The following BBS10 variants were observed in gnomAD, a reference collection of about 807,000 sequenced individuals.
BBS10 encodes Bardet-Biedl syndrome 10.
Under a neutral mutation model 12.7 loss-of-function variants are expected in BBS10, and 13 were observed. The ratio of observed to expected loss-of-function variants is 1.03; its 90% CI spans 0.67 to 1.63. The LOEUF is 1.63. Among genes scored for constraint, BBS10 ranks in the 40% most tolerant of loss-of-function variants. The probability of loss-of-function intolerance (pLI) is 0.00; values close to 1 mark genes in which losing one functional copy is unlikely to be tolerated. For missense variants in BBS10, 858 were observed against 858.0 expected, an observed-to-expected ratio of 1.00 and a Z score of 0.00; for synonymous variants, 294 against 304.8, an observed-to-expected ratio of 0.96 and a Z score of 0.37.
chr12:76,348,097 G>C (rs940837006), intron 1 of BBS10, 65 bp downstream of exon 1: 2 of 1,529,742 alleles, frequency 1.3e-6, no homozygotes, highest in Middle Eastern at 1.8e-4. Flanking sequence ...CTCAGGATGG[G>C]ACAAGAGCTC....
Position 76,347,677 on chromosome 12 carries a change from C to T in BBS10, c.308G>A (p.Arg103Lys). The T allele has an allele frequency of 6.2e-7, 1 of 1,613,214 alleles. No homozygotes were observed. The highest frequency in any genetic ancestry group is 8.5e-7 in the Non-Finnish European group (1 of 1,179,960). Residue 103 changes from arginine (R) to lysine (K), a missense_variant, in exon 2 of 2, where the codon AGA (arginine) becomes AAA (lysine). Transcript: ENST00000650064. ...TTCACACATCAAAGGATCCTTTTCT[C>T]TGTCTGTGATTGCATGAAGTCCTCT... ...LLRGLHAITD[R>K]EKDPLMCENI...
rs1466271924 is a variant in BBS10, at chr12:76,346,678, G to A, written c.1307C>T (p.Thr436Ile). ...ACTTGAAGTGCCATTTTGGTCATTG[G>A]TTTGTGTCATGTAATTTAGATCAAG... ...KDLDLNYMTQ[T>I]NDQNGTSSLF... Residue 436 changes from threonine (T) to isoleucine (I), a missense_variant, in exon 2 of 2, where the codon ACC becomes ATC. Coordinates refer to ENST00000650064, the MANE Select transcript of BBS10 (RefSeq NM_024685.4). 8.1e-6 allele frequency: 13 copies of A among 1,613,958 alleles called. No individual in the cohort carries two copies. Among genetic ancestry groups the A allele is most frequent in the Non-Finnish European group, 1.1e-5 (13 of 1,179,988 alleles).
rs535547043 is a variant in BBS10, at chr12:76,344,680, A to T, written c.*1133T>A. The stretch of plus-strand genomic sequence containing the variant: ...ACTATAATTAAAGTTTTTTTTCTTC[A>T]GTCAATCCCAAGTAAGAATCTGTTG... On this transcript the variant is annotated 3_prime_UTR_variant, in exon 2 of 2. Coordinates refer to ENST00000650064, the MANE Select transcript of BBS10 (RefSeq NM_024685.4). The T allele has an allele frequency of 4.6e-5, 7 of 152,236 alleles. No individual in the cohort carries two copies. In the East Asian group the frequency reaches 1.3e-3, roughly 29 times the overall value. The allele number at this position is 152,236 out of a possible 1,614,324, so 9.4% of individuals were successfully genotyped here. A position where few individuals can be genotyped will look rare whatever the true frequency, so the allele number is the denominator to read the frequency against.
chr12:76,346,438 G>T lies in BBS10; in HGVS notation c.1547C>A (p.Thr516Lys). 1.2e-6 allele frequency: 2 copies of T among 1,614,164 alleles called. No individual in the cohort carries two copies. The highest frequency in any genetic ancestry group is 1.1e-5 in the South Asian group (1 of 91,082). ...TGTCAGCGTTTCAACTGTTTGGAAT[G>T]TATCTGTTGGTGTCAGTGTGGGGGT... ...YSTPTLTPTD[T>K]FQTVETLTCL... Residue 516 changes from threonine (T) to lysine (K), a missense_variant, in exon 2 of 2, where the codon ACA becomes AAA. Transcript: ENST00000650064.
Position 76,344,878 on chromosome 12 carries a change from TACATTG to T in BBS10, c.*929_*934del, listed in dbSNP as rs1254850812. 6.6e-6 allele frequency: 1 copy of T among 152,134 alleles called. No homozygotes were observed. The allele number at this position is 152,134 out of a possible 1,614,324, so 9.4% of individuals were successfully genotyped here. On this transcript the variant is annotated 3_prime_UTR_variant, in exon 2 of 2. Coordinates refer to ENST00000650064, the MANE Select transcript of BBS10 (RefSeq NM_024685.4). ...CCATGATAAGATGCATCATATTATT[TACATTG>T]ACAAGTTTTTAAAATATGAACATTT...
rs1051847446 is a variant in BBS10, at chr12:76,345,610, C to T, written c.*203G>A. On this transcript the variant is annotated 3_prime_UTR_variant, in exon 2 of 2. Transcript: ENST00000650064. ...AAAAAACAGACACACTTAGCCAAAT[C>T]TTGGCTTCCCCTCTAGATTTGTTCC... 5 of 557,486 alleles carry T rather than the reference C, an allele frequency of 9.0e-6. No individual in the cohort carries two copies. The African/African-American group carries it at 9.4e-5, about 11-fold the overall frequency. The allele number at this position is 557,486 out of a possible 1,614,324, so 34.5% of individuals were successfully genotyped here.
Position 76,347,144 on chromosome 12 carries a change from C to T in BBS10, c.841G>A (p.Ala281Thr), listed in dbSNP as rs780236847. 2 of 1,611,464 alleles carry T rather than the reference C, an allele frequency of 1.2e-6. No homozygotes were observed. The highest frequency in any genetic ancestry group is 2.2e-5 in the South Asian group (2 of 91,070). ...CAAAATTGAGATGTCTGAAACTGTG[C>T]TTCTGAATTTAGAATAAACTCTGAT... ...SGSEFILNSE[A>T]QFQTSQFWIM... is the part of the protein sequence containing the mutation. Residue 281 changes from alanine to threonine, a missense_variant, in exon 2 of 2, where the codon GCA (alanine) becomes ACA (threonine). Transcript: ENST00000650064.
In BBS10 at chr12:76,346,856, T is replaced by C. The variant is rs776775792; in HGVS notation, c.1129A>G (p.Arg377Gly). Residue 377 changes from arginine (R) to glycine (G), a missense_variant, in exon 2 of 2, where the codon AGA (arginine) becomes GGA (glycine). Physicochemically the swap from Arg to Gly is moderately radical, Grantham distance 125. Coordinates refer to ENST00000650064, the MANE Select transcript of BBS10 (RefSeq NM_024685.4). The stretch of plus-strand genomic sequence containing the variant: ...CCTAGATGAACATATCTTTTGGATC[T>C]AAGGATAAGAGGTTTACAAAATTTC... ...LVKFCKPLIL[R>G]SKRYVHLGLI... 2.4e-5 allele frequency: 39 copies of C among 1,613,874 alleles called. No individual in the cohort carries two copies. In the South Asian group the frequency reaches 4.0e-4, roughly 16 times the overall value.
rs2136091240 is a variant in BBS10, at chr12:76,347,670, CTT to C, written c.313_314del (p.Lys105GlyfsTer6). The C allele has an allele frequency of 1.2e-6, 2 of 1,613,210 alleles. No homozygotes were observed. Among genetic ancestry groups the C allele is most frequent in the Non-Finnish European group, 8.5e-7 (1 of 1,179,966 alleles). On this transcript the variant is annotated frameshift_variant, in exon 2 of 2. Coordinates refer to ENST00000650064, the MANE Select transcript of BBS10 (RefSeq NM_024685.4). LOFTEE classifies it low-confidence loss of function (END_TRUNC). ...GAATGTTTTCACACATCAAAGGATC[CTT>C]TTCTCTGTCTGTGATTGCATGAAGT... ...RGLHAITDRE[K>X]DPLMCENIQT... is the part of the protein sequence containing the mutation.
In BBS10 at chr12:76,347,260, T is replaced by C. The variant is rs1239367944; in HGVS notation, c.725A>G (p.Gln242Arg). The C allele has an allele frequency of 3.1e-6, 5 of 1,613,308 alleles. No homozygotes were observed. In the Admixed American group the frequency reaches 8.3e-5, roughly 27 times the overall value. Residue 242 changes from glutamine to arginine, a missense_variant, in exon 2 of 2, where the codon CAG becomes CGG. Physicochemically the swap from Gln to Arg is conservative, Grantham distance 43 (BLOSUM62 1). Coordinates refer to ENST00000650064, the MANE Select transcript of BBS10 (RefSeq NM_024685.4). Reference protein sequence around the residue: ...DSRIIAGLVLQKDFSVYRPAD... With the variant: ...DSRIIAGLVLRKDFSVYRPAD... ...TGGGCGGTACACAGAAAAATCTTTCTGAAGCACAAGACCAGCTATGATCCT... is the reference window on the plus strand; with the variant it reads ...TGGGCGGTACACAGAAAAATCTTTCCGAAGCACAAGACCAGCTATGATCCT...
chr12:76,346,114 G>C lies in BBS10; in HGVS notation c.1871C>G (p.Ser624Ter), dbSNP rs768385647. 4 of 1,608,706 alleles carry C rather than the reference G, an allele frequency of 2.5e-6. No homozygotes were observed. The highest frequency in any genetic ancestry group is 3.4e-6 in the Non-Finnish European group (4 of 1,178,306). Reference protein sequence around the residue: ...LLNYAKKCHQSEETMVSMIIA... With the variant: ...LLNYAKKCHQ ...TATCATACTAACCATGGTTTCTTCTGATTGATGGCATTTTTTGGCATAATT... is the reference window on the plus strand; with the variant it reads ...TATCATACTAACCATGGTTTCTTCTCATTGATGGCATTTTTTGGCATAATT... The change falls in exon 2 of 2, where the codon TCA (serine) becomes TGA (stop). Residue 624 changes from serine to a stop codon, truncating the protein, a stop_gained. Transcript: ENST00000650064. LOFTEE classifies it high-confidence loss of function.
Position 76,347,303 on chromosome 12 carries a change from G to T in BBS10, c.682C>A (p.Leu228Ile). 2 of 1,613,928 alleles carry T rather than the reference G, an allele frequency of 1.2e-6. No individual in the cohort carries two copies. The highest frequency in any genetic ancestry group is 1.7e-6 in the Non-Finnish European group (2 of 1,180,022). The change falls in exon 2 of 2, where the codon CTT (leucine) becomes ATT (isoleucine). Residue 228 changes from leucine (L) to isoleucine (I), a missense_variant. Transcript: ENST00000650064. ...FVELNVGVTG[L>I]PVSDSRIIAG... ...ATGATCCTGGAATCTGAAACAGGAA[G>T]GCCAGTGACACCAACATTCAACTCT...
Position 76,345,783 on chromosome 12 carries a change from A to C in BBS10, c.*30T>G. The C allele has an allele frequency of 1.3e-6, 2 of 1,596,622 alleles. No homozygotes were observed. Among genetic ancestry groups the C allele is most frequent in the Non-Finnish European group, 1.7e-6 (2 of 1,166,954 alleles). On this transcript the variant is annotated 3_prime_UTR_variant, in exon 2 of 2. Coordinates refer to ENST00000650064, the MANE Select transcript of BBS10 (RefSeq NM_024685.4). ...TGCTTTACTTGGCTTGAGTTAGATGAAAAGTTTGGTTAATTAAAAACTTCT... is the reference window on the plus strand; with the variant it reads ...TGCTTTACTTGGCTTGAGTTAGATGCAAAGTTTGGTTAATTAAAAACTTCT...
At position 76,347,790 on chromosome 12, in the gene BBS10, G is replaced by A. The variant is rs779659204; in HGVS notation, c.198-3C>T. 39 of 1,599,334 alleles carry A rather than the reference G, an allele frequency of 2.4e-5. No homozygotes were observed. Among genetic ancestry groups the A allele is most frequent in the Non-Finnish European group, 3.1e-5 (36 of 1,179,542 alleles). ...TGGAAACACAGTCCACTATCATCCT[G>A]TACAAAAAAGAAATAAAGCAACTCA... On this transcript the variant is annotated splice_polypyrimidine_tract_variant and splice_region_variant and intron_variant, in intron 1 of 1. Transcript: ENST00000650064.
chr12:76,345,483 G>C lies in BBS10; in HGVS notation c.*330C>G. On this transcript the variant is annotated 3_prime_UTR_variant, in exon 2 of 2. Transcript: ENST00000650064. ...AACATGTAACGATGAAGGAGGGCTG[G>C]AGTGAAAAAGATACAGGAGAGTAAA... 1 of 253,576 alleles carries C rather than the reference G, an allele frequency of 3.9e-6. No homozygotes were observed. The highest frequency in any genetic ancestry group is 7.8e-6 in the Non-Finnish European group (1 of 127,792). 15.7% of individuals were successfully genotyped at this position (253,576 alleles called of 1,614,324 possible).
chr12:76,347,989 G>A (rs1951775856), intron 1 of BBS10, among the ~76,000 whole-genome samples, 173 bp downstream of exon 1: 1 of 152,170 alleles, frequency 6.6e-6, no homozygotes, highest in African/African-American at 2.4e-5. Context: ...CTTGAGAATT[G>A]GTAAGATTTG....
At position 76,345,724 on chromosome 12, in the gene BBS10, A is replaced by G. The variant is rs1951752339; in HGVS notation, c.*89T>C. 1.7e-6 allele frequency: 2 copies of G among 1,203,396 alleles called. No homozygotes were observed. The highest frequency in any genetic ancestry group is 3.0e-5 in the African/African-American group (2 of 66,658). 74.5% of individuals were successfully genotyped at this position (1,203,396 alleles called of 1,614,324 possible). On this transcript the variant is annotated 3_prime_UTR_variant, in exon 2 of 2. Transcript: ENST00000650064. Reference sequence around the variant, plus strand: ...AAAGTTACGCTATTTTCCTAAGTAGACTGAACTGACTTTAGAACCAGTGGT... The same window carrying G: ...AAAGTTACGCTATTTTCCTAAGTAGGCTGAACTGACTTTAGAACCAGTGGT...
chr12:76,346,905 A>C lies in BBS10; in HGVS notation c.1080T>G (p.Cys360Trp). The C allele has an allele frequency of 1.9e-6, 3 of 1,612,948 alleles. No individual in the cohort carries two copies. Among genetic ancestry groups the C allele is most frequent in the Non-Finnish European group, 2.5e-6 (3 of 1,180,020 alleles). The stretch of plus-strand genomic sequence containing the variant: ...TCACCAAAGCAGTGTTAGGTATTTC[A>C]CACTGCGAAAAGGCCTGTGGTGGTA... ...PFVPPQAFSQ[C>W]EIPNTALVKF... Residue 360 changes from cysteine (C) to tryptophan (W), a missense_variant, in exon 2 of 2, where the codon TGT becomes TGG. Physicochemically the swap from Cys to Trp is radical, Grantham distance 215. Transcript: ENST00000650064.
In BBS10 at chr12:76,345,301, CTAATT is replaced by C. The variant is rs1263519388; in HGVS notation, c.*507_*511del. 2 of 152,424 alleles carry C rather than the reference CTAATT, an allele frequency of 1.3e-5. No homozygotes were observed. Among genetic ancestry groups the C allele is most frequent in the Non-Finnish European group, 1.5e-5 (1 of 68,266 alleles). 9.4% of individuals were successfully genotyped at this position (152,424 alleles called of 1,614,324 possible). A position where few individuals can be genotyped will look rare whatever the true frequency, so the allele number is the denominator to read the frequency against. ...AAAAATTTGAGCCTTTTACTCACTGCTAATTTAATTTTATGCTTTTTGAAAAAAAT... is the reference window on the plus strand; with the variant it reads ...AAAAATTTGAGCCTTTTACTCACTGCTAATTTTATGCTTTTTGAAAAAAAT... On this transcript the variant is annotated 3_prime_UTR_variant, in exon 2 of 2. Coordinates refer to ENST00000650064, the MANE Select transcript of BBS10 (RefSeq NM_024685.4).
Sources: allele counts gnomAD v4.1 joint callset (sites outside exome capture counted in the v4.1 genomes callset), GRCh38; gene constraint gnomAD v4.1.1; transcripts MANE v1.5; gene names NCBI Gene and HGNC (gene_info 2026-07-23, HGNC 2026-07-21).